The following MARCHF1 variants were observed in gnomAD, a reference collection of about 807,000 sequenced individuals.
The protein encoded by MARCHF1 is E3 ubiquitin-protein ligase MARCHF1.
A neutral mutation model predicts 54.2 loss-of-function variants in MARCHF1; 40 were observed. The ratio of observed to expected loss-of-function variants is 0.74; its 90% CI spans 0.57 to 0.96. The LOEUF is 0.96. MARCHF1 is among the 40% of genes least tolerant of loss of function. The pLI is 0.00. For missense variants in MARCHF1, 586 were observed against 656.5 expected (o/e 0.89, Z 1.17); for synonymous variants, 236 against 236.3 (o/e 1.00, Z 0.01).
At chr4:164,136,618 G>C (rs1756407917) in intron 1 of MARCHF1, among the ~76,000 whole-genome samples, 1 of 152,138 alleles carries the variant, frequency 6.6e-6, no homozygotes, top group African/African-American at 2.4e-5. Context: ...CAGCAATTCA[G>C]GAACTCATCA....
chr4:163,911,284 G>T (rs1751184095), intron 3 of MARCHF1, among the ~76,000 whole-genome samples: 2 of 152,120 alleles, frequency 1.3e-5, no homozygotes, highest in Non-Finnish European at 2.9e-5. Flanking sequence ...CACATACATG[G>T]TATTGCATCT....
At chr4:163,582,483 ACCATTAAG>A (rs1293435049) in intron 8 of MARCHF1, among the ~76,000 whole-genome samples, 2 of 152,190 alleles carry the variant, frequency 1.3e-5, no homozygotes, top group Non-Finnish European at 2.9e-5. Flanking sequence ...TTAGAAACTA[ACCATTAAG>A]CCCCAAGGTT....
chr4:164,051,202 T>G (rs1754357690), intron 2 of MARCHF1, among the ~76,000 whole-genome samples: 1 of 152,160 alleles, frequency 6.6e-6, no homozygotes, highest in African/African-American at 2.4e-5. Flanking sequence ...ATCTCAAAGG[T>G]TTACAGAAAA....
At chr4:163,927,546 A>G (rs765734308) in intron 3 of MARCHF1, among the ~76,000 whole-genome samples, 9 of 151,840 alleles carry the variant, frequency 5.9e-5, no homozygotes, top group Non-Finnish European at 1.3e-4. Flanking sequence ...GTTTTTATGT[A>G]TGAATTCTTG....
chr4:163,549,524 A>G (rs1579052812), intron 8 of MARCHF1, among the ~76,000 whole-genome samples: 1 of 152,166 alleles, frequency 6.6e-6, no homozygotes. Context: ...TTAGTCTTCA[A>G]GTTCTCCTTT....
At chr4:164,328,851 A>G (rs2110794153) in intron 1 of MARCHF1, among the ~76,000 whole-genome samples, 1 of 152,278 alleles carries the variant, frequency 6.6e-6, no homozygotes, top group African/African-American at 2.4e-5. Flanking sequence ...TTTTAAACAA[A>G]TTAAATGTGG....
chr4:164,254,384 TAAC>T (rs1004238429), intron 1 of MARCHF1, among the ~76,000 whole-genome samples: 1 of 150,636 alleles, frequency 6.6e-6, no homozygotes, highest in Admixed American at 6.7e-5. Flanking sequence ...AGTTAATACT[TAAC>T]AAACTTATAA....
intron 3 of MARCHF1, among the ~76,000 whole-genome samples, chr4:163,981,878 A>T (rs1163690541): frequency 6.6e-6 from 1 of 151,732 alleles, no homozygotes; most frequent in Non-Finnish European, 1.5e-5. Context: ...AATCAGTAAA[A>T]ATTCATAGTA....
chr4:163,624,954 T>C (rs538674671), intron 5 of MARCHF1, among the ~76,000 whole-genome samples: 1 of 152,316 alleles, frequency 6.6e-6, no homozygotes, highest in East Asian at 1.9e-4. Flanking sequence ...CTTTCCTTTA[T>C]CAAAAGGCTT....
chr4:163,749,301 T>C (rs74541519), intron 4 of MARCHF1, among the ~76,000 whole-genome samples: 1 of 150,838 alleles, frequency 6.6e-6, no homozygotes, highest in Non-Finnish European at 1.5e-5. Flanking sequence ...GCTTTTTTTT[T>C]CTGTTTTTTG....
rs1730993598 is a variant in MARCHF1, at chr4:164,187,240, A to G, written c.-322-75578T>C. Among the ~76,000 whole-genome samples the G allele has an allele frequency of 2.1e-5, 3 of 140,140 alleles. No homozygotes were observed. The South Asian group carries it at 7.2e-4, about 34-fold the overall frequency. The allele number at this position is 140,140 out of a possible 152,430, so 91.9% of individuals were successfully genotyped here. A position where few individuals can be genotyped will look rare whatever the true frequency, so the allele number is the denominator to read the frequency against. ...GTGGGGACAGGGAGTAGATTTGCTT[A>G]TGCACCAGGGTCATAAAACTAGGTC... On this transcript the variant is annotated intron_variant, in intron 1 of 9. Coordinates refer to ENST00000514618, the MANE Select transcript of MARCHF1 (RefSeq NM_001394959.1).
chr4:164,340,406 TATATATAG>T (rs1433451022), intron 1 of MARCHF1, among the ~76,000 whole-genome samples: 8 of 80,712 alleles, frequency 9.9e-5, no homozygotes, highest in Non-Finnish European at 1.4e-4. Flanking sequence ...GGCCTTGATT[TATATATAG>T]ATATATATAT....
intron 2 of MARCHF1, among the ~76,000 whole-genome samples, chr4:164,066,801 A>T (rs1025382605): frequency 3.3e-5 from 5 of 152,176 alleles, no homozygotes; most frequent in African/African-American, 1.2e-4. Context: ...TCTCACTTAT[A>T]AGTAGGAGCT....
chr4:163,994,082 T>C (rs2110899718), intron 2 of MARCHF1, among the ~76,000 whole-genome samples: 1 of 152,136 alleles, frequency 6.6e-6, no homozygotes, highest in South Asian at 2.1e-4. Flanking sequence ...AGGAGCAAAA[T>C]AGAAAAAACT....
chr4:164,172,463 G>A (rs1730551761), intron 1 of MARCHF1, among the ~76,000 whole-genome samples: 1 of 152,016 alleles, frequency 6.6e-6, no homozygotes, highest in Non-Finnish European at 1.5e-5. Context: ...TAGACAGAAA[G>A]ATCTTTGCAA....
intron 2 of MARCHF1, among the ~76,000 whole-genome samples, chr4:164,093,151 C>T (rs2111137272): frequency 6.6e-6 from 1 of 152,130 alleles, no homozygotes; most frequent in South Asian, 2.1e-4. Flanking sequence ...CTTACTTTTT[C>T]CTCTTTCTTT....
Position 163,612,654 on chromosome 4 carries a change from GA to G in MARCHF1, c.626del (p.Leu209ProfsTer14). ...AGSSTPNGIELVDLGSKGKEQ... is the reference protein window; with the variant it reads ...AGSSTPNGIEXVDLGSKGKEQ... ...CTTTACCTTTGGATCCCAGATCAAC[GA>G]GCTCAATTCCGTTAGGAGTGGAAGA... On this transcript the variant is annotated frameshift_variant, in exon 7 of 10. Coordinates refer to ENST00000514618, the MANE Select transcript of MARCHF1 (RefSeq NM_001394959.1). LOFTEE classifies it high-confidence loss of function. The G allele has an allele frequency of 1.3e-6, 2 of 1,535,502 alleles. No homozygotes were observed. The highest frequency in any genetic ancestry group is 1.7e-6 in the Non-Finnish European group (2 of 1,146,518).
At chr4:164,076,974 C>A (rs1216837917) in intron 2 of MARCHF1, among the ~76,000 whole-genome samples, 1 of 152,064 alleles carries the variant, frequency 6.6e-6, no homozygotes, top group African/African-American at 2.4e-5. Flanking sequence ...TTTATAGATT[C>A]AATAATATCC....
chr4:163,953,020 A>T (rs1416567648), intron 3 of MARCHF1, among the ~76,000 whole-genome samples: 1 of 152,142 alleles, frequency 6.6e-6, no homozygotes, highest in East Asian at 1.9e-4. Flanking sequence ...AGACAATGTC[A>T]TGTCCATTGG....
Sources: allele counts gnomAD v4.1 joint callset (sites outside exome capture counted in the v4.1 genomes callset), GRCh38; gene constraint gnomAD v4.1.1; transcripts MANE v1.5; gene names NCBI Gene and HGNC (gene_info 2026-07-23, HGNC 2026-07-21).